Variants in MSRA observed in about 807,000 individuals in gnomAD.
MSRA encodes methionine sulfoxide reductase A, also known as mitochondrial peptide methionine sulfoxide reductase.
A neutral mutation model predicts 31.3 loss-of-function variants in MSRA; 54 were observed. The observed-to-expected ratio is 1.73, with a 90% CI of 1.39 to 2.17. The LOEUF (loss-of-function observed/expected upper bound fraction) is 2.17. Among genes scored for constraint, MSRA ranks in the 30% most tolerant of loss-of-function variants. The pLI is 0.00. For synonymous variants in MSRA, 169 were observed against 116.5 expected (o/e 1.45, Z -2.90); for missense variants, 507 against 300.9 (o/e 1.69, Z -5.07).
intron 3 of MSRA, among the ~76,000 whole-genome samples, chr8:10,298,363 G>C (rs1800656131): frequency 6.6e-6 from 1 of 152,154 alleles, no homozygotes; most frequent in Admixed American, 6.5e-5. Flanking sequence ...AGTTAAGTAA[G>C]ACAGTCACAA....
At chr8:10,269,809 G>A (rs577671358) in intron 3 of MSRA, among the ~76,000 whole-genome samples, 2 of 152,240 alleles carry the variant, frequency 1.3e-5, no homozygotes, top group African/African-American at 2.4e-5. Context: ...GTGCCACCAC[G>A]CCCGGCTAAT....
chr8:10,100,738 T>G (rs1799480798), intron 1 of MSRA, among the ~76,000 whole-genome samples: 1 of 152,144 alleles, frequency 6.6e-6, no homozygotes, highest in African/African-American at 2.4e-5. Flanking sequence ...GTTATTTTAT[T>G]TCTCCAAAAG....
intron 4 of MSRA, among the ~76,000 whole-genome samples, chr8:10,311,606 T>A (rs935366372): frequency 6.6e-6 from 1 of 152,168 alleles, no homozygotes; most frequent in Non-Finnish European, 1.5e-5. Context: ...AAAATCGTCT[T>A]ATGTTAGAAA....
intron 1 of MSRA, among the ~76,000 whole-genome samples, chr8:10,190,585 G>A (rs1261548448): frequency 2.0e-5 from 3 of 152,212 alleles, no homozygotes; most frequent in African/African-American, 7.2e-5. Context: ...TTTCATGTCT[G>A]TCTTCCTTGG....
intron 3 of MSRA, among the ~76,000 whole-genome samples, chr8:10,248,370 A>C (rs1374110490): frequency 1.3e-5 from 2 of 152,148 alleles, no homozygotes; most frequent in South Asian, 2.1e-4. Context: ...GAAATATAGG[A>C]GGAGGGGTTA....
chr8:10,283,493 A>G (rs1799744988), intron 3 of MSRA, among the ~76,000 whole-genome samples: 1 of 151,846 alleles, frequency 6.6e-6, no homozygotes, highest in Non-Finnish European at 1.5e-5. Flanking sequence ...TGGTTACATG[A>G]GTGCATTCTT....
chr8:10,392,675 C>T (rs1489552838), intron 5 of MSRA, among the ~76,000 whole-genome samples: 4 of 99,970 alleles, frequency 4.0e-5, no homozygotes, highest in Non-Finnish European at 7.9e-5. Flanking sequence ...CTTGGCCTCT[C>T]GGCCCTTTTT....
intron 4 of MSRA, among the ~76,000 whole-genome samples, chr8:10,313,225 T>G (rs1267808047): frequency 1.3e-5 from 2 of 152,212 alleles, no homozygotes; most frequent in African/African-American, 4.8e-5. Flanking sequence ...CTCTCTATAT[T>G]CAGTCTGCCT....
rs200018392 is a variant in MSRA, at chr8:10,154,383, C to A, written c.143-53450C>A. 2.6e-5 allele frequency among the ~76,000 whole-genome samples: 4 copies of A among 151,018 alleles called. No individual in the cohort carries two copies. The East Asian group carries it at 5.8e-4, about 22-fold the overall frequency. On this transcript the variant is annotated intron_variant, in intron 1 of 5. Coordinates refer to ENST00000317173, the MANE Select transcript of MSRA (RefSeq NM_012331.5). Reference sequence around the variant, plus strand: ...TTGTGGTTTTTTTTTTCTTTTCTTTCTTTCTTTTTTTTGAGACTGAGTCTT... The same window carrying A: ...TTGTGGTTTTTTTTTTCTTTTCTTTATTTCTTTTTTTTGAGACTGAGTCTT...
intron 1 of MSRA, among the ~76,000 whole-genome samples, chr8:10,160,238 C>G (rs909606438): frequency 1.3e-5 from 2 of 152,052 alleles, no homozygotes; most frequent in African/African-American, 4.8e-5. Flanking sequence ...GTGGCTCACA[C>G]CTGCTCAGCA....
chr8:10,272,976 G>C (rs1383913385), intron 3 of MSRA, among the ~76,000 whole-genome samples: 2 of 152,206 alleles, frequency 1.3e-5, no homozygotes, highest in Non-Finnish European at 2.9e-5. Context: ...TGACTAGTAA[G>C]AGGGTGGCTT....
chr8:10,306,852 T>C (rs1801167157), intron 4 of MSRA, among the ~76,000 whole-genome samples: 1 of 152,182 alleles, frequency 6.6e-6, no homozygotes, highest in African/African-American at 2.4e-5. Flanking sequence ...GATTTCTCAG[T>C]TGCAACCCAT....
At chr8:10,402,966 G>A (rs1281403248) in intron 5 of MSRA, among the ~76,000 whole-genome samples, 3 of 152,200 alleles carry the variant, frequency 2.0e-5, no homozygotes, top group Admixed American at 6.5e-5. Flanking sequence ...GGCCAAAGGA[G>A]TATCTGAAAA....
At chr8:10,322,407 A>G (rs867394499) in intron 5 of MSRA, among the ~76,000 whole-genome samples, 1 of 152,190 alleles carries the variant, frequency 6.6e-6, no homozygotes. Context: ...TAGGAAGTAC[A>G]AAGACCAGAA....
Position 10,343,020 on chromosome 8 carries a change from T to TACAC in MSRA, c.543+23061_543+23064dup, listed in dbSNP as rs572591443. 8.8e-4 allele frequency among the ~76,000 whole-genome samples: 117 copies of TACAC among 132,728 alleles called. 1 individual carries two copies. Among genetic ancestry groups the TACAC allele is most frequent in the African/African-American group, 2.0e-3 (71 of 35,794 alleles). 87.1% of individuals were successfully genotyped at this position (132,728 alleles called of 152,430 possible). On this transcript the variant is annotated intron_variant, in intron 5 of 5. Transcript: ENST00000317173. ...AGGAACTGGCATCTTGCATAAGCAT[T>TACAC]ACACACACACACACACACACACACA... is the stretch of plus-strand genomic sequence containing the variant.
intron 5 of MSRA, among the ~76,000 whole-genome samples, chr8:10,393,348 C>G (rs971821397): frequency 6.6e-6 from 1 of 152,146 alleles, no homozygotes; most frequent in East Asian, 1.9e-4. Flanking sequence ...TCTTCAGACT[C>G]AAATCCAAAG....
At position 10,302,547 on chromosome 8, in the gene MSRA, G is replaced by T. The variant is rs374843105; in HGVS notation, c.436+909G>T. ...CAAATGTAAATTGTGCTTCATGGTG[G>T]AATCTTCATATGCCTGTAGCAGCAC... On this transcript the variant is annotated intron_variant, in intron 4 of 5. Transcript: ENST00000317173. Among the ~76,000 whole-genome samples the T allele has an allele frequency of 8.5e-5, 13 of 152,364 alleles. No individual in the cohort carries two copies. The East Asian group carries it at 1.7e-3, about 20-fold the overall frequency.
rs528928882 is a variant in MSRA at position 10,060,960 on chromosome 8, C to T, written c.142+6302C>T. ...AAAGAAAATGATAGAAAACAGTTTT[C>T]CTTTTAGAAAAGTTTTCCCCAATGT... On this transcript the variant is annotated intron_variant, in intron 1 of 5. Coordinates refer to ENST00000317173, the MANE Select transcript of MSRA (RefSeq NM_012331.5). Among the ~76,000 whole-genome samples, 6 of 152,248 alleles carry T rather than the reference C, an allele frequency of 3.9e-5. No individual in the cohort carries two copies. In the East Asian group the frequency reaches 7.7e-4, roughly 20 times the overall value.
At chr8:10,347,854 G>A (rs574463887) in intron 5 of MSRA, among the ~76,000 whole-genome samples, 1 of 152,144 alleles carries the variant, frequency 6.6e-6, no homozygotes, top group South Asian at 2.1e-4. Flanking sequence ...TACCACCTCC[G>A]CAGCTTAAAC....
Sources: gnomAD v4.1 joint callset for allele counts (sites outside exome capture counted in the v4.1 genomes callset) on GRCh38, gnomAD v4.1.1 for gene constraint, MANE v1.5 for transcripts, NCBI Gene and HGNC (gene_info 2026-07-23, HGNC 2026-07-21) for gene names.